NAALADL2: variants seen among roughly 807,000 people sequenced by gnomAD.
The protein encoded by NAALADL2 is N-acetylated alpha-linked acidic dipeptidase like 2, also known as inactive N-acetylated-alpha-linked acidic dipeptidase-like protein 2.
Under a neutral mutation model 87.2 loss-of-function variants are expected in NAALADL2, and 76 were observed. The ratio of observed to expected loss-of-function variants is 0.87; its 90% CI spans 0.72 to 1.05. NAALADL2 has a LOEUF of 1.05. NAALADL2 is among the 50% of genes least tolerant of loss of function. The pLI is 0.00. For missense variants in NAALADL2, 1,089 were observed against 945.8 expected (o/e 1.15, Z -1.99); for synonymous variants, 354 against 331.0 (o/e 1.07, Z -0.75).
chr3:174,612,733 G>A (rs1421402991), intron 2 of NAALADL2, among the ~76,000 whole-genome samples: 2 of 152,012 alleles, frequency 1.3e-5, no homozygotes, highest in African/African-American at 4.8e-5. Flanking sequence ...CTTCAAAACA[G>A]CAATTTTGAA....
chr3:175,206,262 ATTTTTT>A (rs372246885), intron 2 of NAALADL2, among the ~76,000 whole-genome samples: 3 of 103,142 alleles, frequency 2.9e-5, no homozygotes, highest in Admixed American at 2.2e-4. Flanking sequence ...ATATATATAT[ATTTTTT>A]TTTTTCACTG....
intron 10 of NAALADL2, among the ~76,000 whole-genome samples, chr3:175,582,622 T>C (rs1719946015): frequency 6.6e-6 from 1 of 152,232 alleles, no homozygotes; most frequent in Non-Finnish European, 1.5e-5. Context: ...TTATTAACTG[T>C]TAACAGATAT....
At chr3:175,584,695 T>C (rs1047125642) in intron 10 of NAALADL2, among the ~76,000 whole-genome samples, 1 of 152,234 alleles carries the variant, frequency 6.6e-6, no homozygotes, top group Non-Finnish European at 1.5e-5. Flanking sequence ...AGCATGATAC[T>C]GTAGACTGTA....
intron 11 of NAALADL2, among the ~76,000 whole-genome samples, chr3:175,680,051 G>A (rs1193472530): frequency 6.6e-6 from 1 of 152,146 alleles, no homozygotes; most frequent in Admixed American, 6.5e-5. Flanking sequence ...TTCACTAATG[G>A]TACCAAACCT....
intron 3 of NAALADL2, among the ~76,000 whole-genome samples, chr3:174,852,250 G>C (rs771709806): frequency 5.3e-5 from 8 of 152,076 alleles, no homozygotes; most frequent in Non-Finnish European, 1.0e-4. Flanking sequence ...AGAAATAAAG[G>C]CATCCGAATT....
rs149551062 is a variant in NAALADL2, at chr3:175,537,971, T to C, written c.1654-38070T>C. Reference sequence around the variant, plus strand: ...GAAAAGAATTTTAACAAATTTAAACTGGCAAGGATAATGTGTCTGAAACCT... The same window carrying C: ...GAAAAGAATTTTAACAAATTTAAACCGGCAAGGATAATGTGTCTGAAACCT... On this transcript the variant is annotated intron_variant, in intron 9 of 13. Transcript: ENST00000454872. 2.1e-3 allele frequency among the ~76,000 whole-genome samples: 318 copies of C among 152,302 alleles called. 3 individuals carry two copies. Among genetic ancestry groups the C allele is most frequent in the African/African-American group, 6.9e-3 (285 of 41,580 alleles).
At chr3:174,626,118 C>A (rs1349912107) in intron 2 of NAALADL2, among the ~76,000 whole-genome samples, 1 of 142,468 alleles carries the variant, frequency 7.0e-6, no homozygotes, top group Non-Finnish European at 1.5e-5. Context: ...GTAATCTGAC[C>A]AAAATGGGTA....
At chr3:175,423,051 A>ATATATATATTT (rs1458599872) in intron 5 of NAALADL2, among the ~76,000 whole-genome samples, 98 of 91,492 alleles carry the variant, frequency 1.1e-3, no homozygotes, top group Non-Finnish European at 1.6e-3. Flanking sequence ...ATATATATAT[A>ATATATATATTT]TTTTTTTTTT....
intron 2 of NAALADL2, among the ~76,000 whole-genome samples, chr3:175,164,476 C>A (rs1319352971): frequency 6.6e-6 from 1 of 151,944 alleles, no homozygotes; most frequent in East Asian, 1.9e-4. Flanking sequence ...TATTTAATTT[C>A]TTTTAAAAGG....
At chr3:175,239,652 T>C (rs889508773) in intron 3 of NAALADL2, among the ~76,000 whole-genome samples, 2 of 152,204 alleles carry the variant, frequency 1.3e-5, no homozygotes, top group Non-Finnish European at 2.9e-5. Context: ...ATGGAGAAAC[T>C]TATTTTCAAA....
At chr3:174,800,128 A>G (rs1718642314) in intron 3 of NAALADL2, among the ~76,000 whole-genome samples, 1 of 152,218 alleles carries the variant, frequency 6.6e-6, no homozygotes, top group Admixed American at 6.5e-5. Context: ...GTGATAGAAA[A>G]GAAAATCTCA....
Position 175,805,368 on chromosome 3 carries a change from T to A in NAALADL2, c.*2165T>A, listed in dbSNP as rs1434722460. 1.3e-5 allele frequency: 2 copies of A among 151,936 alleles called. No homozygotes were observed. The highest frequency in any genetic ancestry group is 4.8e-5 in the African/African-American group (2 of 41,404). The allele number at this position is 151,936 out of a possible 1,614,324, so 9.4% of individuals were successfully genotyped here. A position where few individuals can be genotyped will look rare whatever the true frequency, so the allele number is the denominator to read the frequency against. ...AACCTTCTTCTGTATTCCTCACCTCTAAATTATATGTTATTTGCTATTTGA... is the reference window on the plus strand; with the variant it reads ...AACCTTCTTCTGTATTCCTCACCTCAAAATTATATGTTATTTGCTATTTGA... On this transcript the variant is annotated 3_prime_UTR_variant, in exon 14 of 14. Coordinates refer to ENST00000454872, the MANE Select transcript of NAALADL2 (RefSeq NM_207015.3).
chr3:174,881,030 T>G (rs1729124152), intron 1 of NAALADL2, among the ~76,000 whole-genome samples: 1 of 152,082 alleles, frequency 6.6e-6, no homozygotes, highest in Admixed American at 6.6e-5. Flanking sequence ...CTTCTGTTCT[T>G]CTCTTTTAAG....
At chr3:174,522,452 G>A (rs1399129654) in intron 1 of NAALADL2, among the ~76,000 whole-genome samples, 1 of 152,000 alleles carries the variant, frequency 6.6e-6, no homozygotes, top group Admixed American at 6.6e-5. Flanking sequence ...CTTGAGGCCA[G>A]TAGTTTGAGA....
At chr3:174,702,562 C>T (rs1415311976) in intron 2 of NAALADL2, among the ~76,000 whole-genome samples, 4 of 152,114 alleles carry the variant, frequency 2.6e-5, no homozygotes, top group Non-Finnish European at 2.9e-5. Flanking sequence ...TGTTATTATG[C>T]GAACATCATA....
At chr3:174,588,791 G>T (rs1305575438) in intron 2 of NAALADL2, among the ~76,000 whole-genome samples, 1 of 152,154 alleles carries the variant, frequency 6.6e-6, no homozygotes, top group East Asian at 1.9e-4. Context: ...GCCCCTACTG[G>T]GGGGTGCCTC....
chr3:175,105,315 T>A (rs539567155), intron 2 of NAALADL2, among the ~76,000 whole-genome samples: 1 of 152,066 alleles, frequency 6.6e-6, no homozygotes, highest in South Asian at 2.1e-4. Flanking sequence ...AGTAAGTCTT[T>A]ACTGCCTGAG....
In NAALADL2 at chr3:174,845,361, TG is replaced by T. The variant is rs377154628; in HGVS notation, c.-9+107619del. On this transcript the variant is annotated intron_variant, in intron 3 of 3. Transcript: ENST00000434257. ...GCTGTACTGGCTCTCTCCAGTAGGC[TG>T]GGGCCACCTTCAGTCCTGCTGTCAG... Among the ~76,000 whole-genome samples, 36 of 152,284 alleles carry T rather than the reference TG, an allele frequency of 2.4e-4. No homozygotes were observed. The East Asian group carries it at 6.6e-3, about 28-fold the overall frequency.
intron 3 of NAALADL2, among the ~76,000 whole-genome samples, chr3:174,810,729 G>T (rs1306229150): frequency 6.6e-6 from 1 of 152,174 alleles, no homozygotes; most frequent in African/African-American, 2.4e-5. Context: ...AGATTGGGAG[G>T]CAACTCAAGC....
Sources: allele counts gnomAD v4.1 joint callset (sites outside exome capture counted in the v4.1 genomes callset), GRCh38; gene constraint gnomAD v4.1.1; transcripts MANE v1.5; gene names NCBI Gene and HGNC (gene_info 2026-07-23, HGNC 2026-07-21).